MAGI3: variants seen among roughly 807,000 people sequenced by gnomAD.
The protein encoded by MAGI3 is membrane associated guanylate kinase, WW and PDZ domain containing 3, also known as membrane-associated guanylate kinase, WW and PDZ domain-containing protein 3.
Under a neutral mutation model 121.8 loss-of-function variants are expected in MAGI3, and 43 were observed. The observed-to-expected ratio is 0.35, with a 90% CI of 0.28 to 0.46. The LOEUF is 0.46. Ranked by LOEUF, MAGI3 falls within the 20% of genes least tolerant of loss-of-function variation. The pLI, the probability that MAGI3 is intolerant of heterozygous loss-of-function variation, is 1.00. For synonymous variants in MAGI3, 553 were observed against 639.3 expected, an observed-to-expected ratio of 0.86 and a Z score of 2.04; for missense variants, 1,547 against 1,797.3, an observed-to-expected ratio of 0.86 and a Z score of 2.52.
intron 1 of MAGI3, among the ~76,000 whole-genome samples, chr1:113,452,651 T>TG (rs1279161435): frequency 2.0e-5 from 3 of 152,244 alleles, no homozygotes; most frequent in East Asian, 1.9e-4. Context: ...TATTTTATAG[T>TG]GGGAAAAAAC....
intron 6 of MAGI3, among the ~76,000 whole-genome samples, chr1:113,606,223 T>C (rs1168382467): frequency 2.6e-5 from 4 of 152,048 alleles, no homozygotes; most frequent in Non-Finnish European, 5.9e-5. Flanking sequence ...CACCTCAGGC[T>C]CCCAAAGTGC....
At chr1:113,526,991 G>A (rs1467265826) in intron 1 of MAGI3, among the ~76,000 whole-genome samples, 1 of 152,044 alleles carries the variant, frequency 6.6e-6, no homozygotes, top group Non-Finnish European at 1.5e-5. Flanking sequence ...TGTAAAATGG[G>A]AAGAAAAACA....
At chr1:113,520,426 A>G (rs1398877381) in intron 1 of MAGI3, among the ~76,000 whole-genome samples, 1 of 152,144 alleles carries the variant, frequency 6.6e-6, no homozygotes, top group Non-Finnish European at 1.5e-5. Flanking sequence ...GTAAATAAAT[A>G]TATGTTTATA....
At chr1:113,449,484 A>G (rs1457899100) in intron 1 of MAGI3, among the ~76,000 whole-genome samples, 2 of 152,082 alleles carry the variant, frequency 1.3e-5, no homozygotes, top group Non-Finnish European at 2.9e-5. Flanking sequence ...ATATTTTTTC[A>G]TCATTTTAAC....
At chr1:113,534,754 CGTTTT>C (rs1658886811) in intron 1 of MAGI3, among the ~76,000 whole-genome samples, 1 of 151,980 alleles carries the variant, frequency 6.6e-6, no homozygotes. Context: ...CTGTCCTCTT[CGTTTT>C]ATTTATTTTA....
In MAGI3 at chr1:113,681,178, T is replaced by G. The variant is rs766953554; in HGVS notation, c.3190-20T>G. The G allele has an allele frequency of 6.2e-7, 1 of 1,608,382 alleles. No individual in the cohort carries two copies. Among genetic ancestry groups the G allele is most frequent in the Admixed American group, 1.7e-5 (1 of 58,522 alleles). ...AGGATGCATAGTTTCATGTTGTTCC[T>G]GTGAATGTTCTCTGTCTAGGTTGGT... On this transcript the variant is annotated intron_variant, in intron 19 of 20. Transcript: ENST00000307546.
rs894245227 is a variant in MAGI3 at position 113,684,841 on chromosome 1, T to C, written c.*827T>C. 1.3e-5 allele frequency: 2 copies of C among 152,366 alleles called. No individual in the cohort carries two copies. Among genetic ancestry groups the C allele is most frequent in the Non-Finnish European group, 2.9e-5 (2 of 68,030 alleles). The allele number at this position is 152,366 out of a possible 1,614,324, so 9.4% of individuals were successfully genotyped here. ...TTAATTATGAAACCATAAAGAAGCA[T>C]GTGGAAATAGTGTTTATTGCTCTTT... On this transcript the variant is annotated 3_prime_UTR_variant, in exon 21 of 21. Coordinates refer to ENST00000307546, the MANE Select transcript of MAGI3 (RefSeq NM_001142782.2).
At chr1:113,437,864 C>CTCTTCT (rs1156555683) in intron 1 of MAGI3, among the ~76,000 whole-genome samples, 1 of 55,978 alleles carries the variant, frequency 1.8e-5, no homozygotes, top group Non-Finnish European at 3.3e-5. Context: ...CTTCTTCTTC[C>CTCTTCT]TCTTCTTCTT....
intron 1 of MAGI3, among the ~76,000 whole-genome samples, chr1:113,508,852 C>T (rs1295902595): frequency 3.3e-5 from 5 of 151,902 alleles, no homozygotes; most frequent in Admixed American, 2.0e-4. Flanking sequence ...ACTTCAGGAG[C>T]CTTTGTTGGA....
intron 16 of MAGI3, among the ~76,000 whole-genome samples, chr1:113,668,593 T>TTC (rs386368122): frequency 6.8e-6 from 1 of 146,050 alleles, no homozygotes; most frequent in African/African-American, 2.5e-5. Context: ...TTTTTTTTTT[T>TTC]GAGACGGAGT....
intron 2 of MAGI3, among the ~76,000 whole-genome samples, chr1:113,561,116 A>G (rs960375632): frequency 2.0e-5 from 3 of 152,220 alleles, no homozygotes; most frequent in Non-Finnish European, 4.4e-5. Context: ...AAATTGAGGC[A>G]GTAATAAATA....
intron 1 of MAGI3, among the ~76,000 whole-genome samples, chr1:113,541,429 C>T (rs1339252860): frequency 6.6e-6 from 1 of 152,144 alleles, no homozygotes; most frequent in Non-Finnish European, 1.5e-5. Context: ...CAAACTGTAA[C>T]TTGAAAAACT....
At chr1:113,679,128 C>A (rs1648051871) in intron 19 of MAGI3, among the ~76,000 whole-genome samples, 1 of 152,066 alleles carries the variant, frequency 6.6e-6, no homozygotes, top group African/African-American at 2.4e-5. Flanking sequence ...TTCAGTGCGG[C>A]ACATGTACAG....
intron 5 of MAGI3, among the ~76,000 whole-genome samples, chr1:113,594,233 G>C (rs1205239386): frequency 6.6e-6 from 1 of 152,152 alleles, no homozygotes; most frequent in African/African-American, 2.4e-5. Context: ...TCCATACTTG[G>C]CATTTTAGGC....
intron 1 of MAGI3, among the ~76,000 whole-genome samples, chr1:113,495,148 T>C (rs1407577572): frequency 6.6e-6 from 1 of 152,104 alleles, no homozygotes; most frequent in Non-Finnish European, 1.5e-5. Context: ...TTGAAACCAG[T>C]TTAACTGCTA....
intron 4 of MAGI3, among the ~76,000 whole-genome samples, chr1:113,587,221 A>G (rs761106968): frequency 1.2e-4 from 19 of 152,274 alleles, no homozygotes; most frequent in Middle Eastern, 3.4e-3. Context: ...GTTTTGAGAC[A>G]GAGTCTCCCT....
At chr1:113,539,286 G>A (rs944966577) in intron 1 of MAGI3, among the ~76,000 whole-genome samples, 3 of 151,620 alleles carry the variant, frequency 2.0e-5, no homozygotes, top group East Asian at 1.9e-4. Context: ...CCAGCTGCTC[G>A]GGAGGCTGAG....
At chr1:113,519,157 T>G (rs1392484980) in intron 1 of MAGI3, among the ~76,000 whole-genome samples, 1 of 151,978 alleles carries the variant, frequency 6.6e-6, no homozygotes, top group Non-Finnish European at 1.5e-5. Flanking sequence ...CTTAGAAGTA[T>G]GCCGATTGGG....
intron 1 of MAGI3, among the ~76,000 whole-genome samples, chr1:113,451,227 TG>T (rs1256607096): frequency 5.3e-5 from 8 of 152,190 alleles, no homozygotes; most frequent in Admixed American, 2.6e-4. Flanking sequence ...GCTTGAAGAA[TG>T]GACTGATAAA....
Sources: gnomAD v4.1 joint callset for allele counts (sites outside exome capture counted in the v4.1 genomes callset) on GRCh38, gnomAD v4.1.1 for gene constraint, MANE v1.5 for transcripts, NCBI Gene and HGNC (gene_info 2026-07-23, HGNC 2026-07-21) for gene names.